The following TUNAR variants were observed in gnomAD, a reference collection of about 807,000 sequenced individuals.
The protein encoded by TUNAR is transmembrane neural differentiation associated intracellular calcium regulator, also known as protein TUNAR.
intron 2 of TUNAR, among the ~76,000 whole-genome samples, chr14:95,889,680 G>A (rs1889140222): frequency 6.6e-6 from 1 of 152,140 alleles, no homozygotes; most frequent in African/African-American, 2.4e-5. Flanking sequence ...CTTAAGCAGA[G>A]ACTCATCTTC....
At chr14:95,888,601 G>A (rs965398286) in intron 2 of TUNAR, among the ~76,000 whole-genome samples, 48 of 152,126 alleles carry the variant, frequency 3.2e-4, no homozygotes, top group African/African-American at 1.1e-3. Flanking sequence ...ACTCTCCATC[G>A]CTCTGTGGAC....
intron 2 of TUNAR, among the ~76,000 whole-genome samples, chr14:95,916,561 A>G (rs530858002): frequency 3.5e-4 from 54 of 152,308 alleles, no homozygotes; most frequent in Middle Eastern, 3.4e-3. Context: ...CATTTTGCTT[A>G]TGCTGACATT....
At chr14:95,925,258 AC>A (rs1889768693) in exon 3 of TUNAR, 1 of 152,238 alleles carries the variant, frequency 6.6e-6, no homozygotes, top group African/African-American at 2.4e-5. Flanking sequence ...CAAGATCCAA[AC>A]CCAATGTGTC....
chr14:95,894,834 G>A (rs551347212), intron 2 of TUNAR, among the ~76,000 whole-genome samples: 1 of 152,222 alleles, frequency 6.6e-6, no homozygotes, highest in Non-Finnish European at 1.5e-5. Flanking sequence ...GGAAGGTGTA[G>A]ATGCGGTTGC....
intron 2 of TUNAR, among the ~76,000 whole-genome samples, 190 bp from the exon 2 acceptor site, chr14:95,922,591 C>G (rs1271454535): frequency 1.3e-5 from 2 of 152,192 alleles, no homozygotes; most frequent in Non-Finnish European, 1.5e-5. Flanking sequence ...TCTTCTAAAC[C>G]AATTAGCCGT....
chr14:95,887,150 T>A (rs1368905336), intron 2 of TUNAR, among the ~76,000 whole-genome samples: 1 of 152,228 alleles, frequency 6.6e-6, no homozygotes, highest in African/African-American at 2.4e-5. Context: ...CCTTTCATCC[T>A]GGTTCTCAGA....
At chr14:95,894,173 G>T (rs532989050) in intron 2 of TUNAR, among the ~76,000 whole-genome samples, 21 of 152,348 alleles carry the variant, frequency 1.4e-4, no homozygotes, top group African/African-American at 4.6e-4. Flanking sequence ...TTAAGGTCCC[G>T]TGGGATGTTG....
At chr14:95,913,584 C>T (rs2139669694) in intron 2 of TUNAR, among the ~76,000 whole-genome samples, 1 of 152,230 alleles carries the variant, frequency 6.6e-6, no homozygotes, top group East Asian at 1.9e-4. Context: ...AGAATTGGCT[C>T]TGAGAAATTG....
intron 2 of TUNAR, among the ~76,000 whole-genome samples, chr14:95,903,196 C>A (rs796486682): frequency 1.3e-5 from 2 of 152,182 alleles, no homozygotes. Context: ...TTCTCCCGCT[C>A]GCTGATTCCA....
At chr14:95,898,815 C>G (rs1889303427) in intron 2 of TUNAR, among the ~76,000 whole-genome samples, 1 of 152,178 alleles carries the variant, frequency 6.6e-6, no homozygotes, top group African/African-American at 2.4e-5. Flanking sequence ...TCTGTCTCCT[C>G]TAAGGTCAGT....
intron 2 of TUNAR, among the ~76,000 whole-genome samples, chr14:95,920,290 C>T (rs144588306): frequency 6.6e-6 from 1 of 151,268 alleles, no homozygotes; most frequent in East Asian, 2.0e-4. Context: ...CTGTGGGAGG[C>T]CCCTGGGTGC....
rs529006589 is a variant in TUNAR, at chr14:95,904,562, G to A, written c.13-18219G>A. On this transcript the variant is annotated intron_variant, in intron 2 of 2. Coordinates refer to ENST00000678517, the Ensembl canonical transcript of TUNAR. Reference sequence around the variant, plus strand: ...GCCAGGGTCACCAAGCAGCTTCCTGGGACAAGAGCTCAGCCAGAGGCCGAG... The same window carrying A: ...GCCAGGGTCACCAAGCAGCTTCCTGAGACAAGAGCTCAGCCAGAGGCCGAG... Among the ~76,000 whole-genome samples, 51 of 152,278 alleles carry A rather than the reference G, an allele frequency of 3.3e-4. No individual in the cohort carries two copies. The Middle Eastern group carries it at 0.014, about 41-fold the overall frequency.
intron 2 of TUNAR, among the ~76,000 whole-genome samples, chr14:95,879,382 G>A (rs922114520): frequency 6.6e-6 from 1 of 152,174 alleles, no homozygotes; most frequent in Non-Finnish European, 1.5e-5. Context: ...TGCATCTTAT[G>A]TAGGGATATT....
intron 2 of TUNAR, among the ~76,000 whole-genome samples, chr14:95,899,708 T>A (rs1206055185): frequency 1.3e-5 from 2 of 151,850 alleles, no homozygotes; most frequent in Non-Finnish European, 2.9e-5. Context: ...GAGGGAGGGG[T>A]GGAGAGCTGT....
At chr14:95,909,686 T>C (rs1889482578) in intron 2 of TUNAR, among the ~76,000 whole-genome samples, 1 of 152,086 alleles carries the variant, frequency 6.6e-6, no homozygotes, top group Non-Finnish European at 1.5e-5. Flanking sequence ...ATGCACTCAC[T>C]CTCAGTACTG....
chr14:95,892,461 G>A (rs751850592), intron 2 of TUNAR, among the ~76,000 whole-genome samples: 2 of 152,392 alleles, frequency 1.3e-5, no homozygotes, highest in Non-Finnish European at 2.9e-5. Context: ...TGGATGTGTC[G>A]CCTTCCTCAG....
At chr14:95,909,880 A>G (rs1157180066) in intron 2 of TUNAR, among the ~76,000 whole-genome samples, 1 of 152,188 alleles carries the variant, frequency 6.6e-6, no homozygotes, top group Non-Finnish European at 1.5e-5. Flanking sequence ...AAATGCTACC[A>G]ATGGAATCGA....
chr14:95,896,293 G>T (rs1417300806), intron 2 of TUNAR, among the ~76,000 whole-genome samples: 1 of 152,168 alleles, frequency 6.6e-6, no homozygotes, highest in Admixed American at 6.5e-5. Flanking sequence ...GGGTGTCAGG[G>T]TGTCAGTGTT....
chr14:95,915,821 A>G (rs1889596255), intron 2 of TUNAR, among the ~76,000 whole-genome samples: 1 of 152,230 alleles, frequency 6.6e-6, no homozygotes, highest in African/African-American at 2.4e-5. Context: ...AGCCCAACAG[A>G]GGACTGGCTT....
Sources: gnomAD v4.1 joint callset for allele counts (sites outside exome capture counted in the v4.1 genomes callset) on GRCh38, gnomAD v4.1.1 for gene constraint, MANE v1.5 for transcripts, NCBI Gene and HGNC (gene_info 2026-07-23, HGNC 2026-07-21) for gene names.